SPIN4: variants seen among roughly 807,000 people sequenced by gnomAD.
The protein encoded by SPIN4 is spindlin family member 4, also known as spindlin-4.
SPIN4 carries 4 observed loss-of-function variants against 10.4 expected under a neutral mutation model. The observed-to-expected ratio is 0.38, with a 90% CI of 0.19 to 0.88. The LOEUF (loss-of-function observed/expected upper bound fraction) is 0.88. SPIN4 is among the 40% of genes least tolerant of loss of function. The pLI, the probability that SPIN4 is intolerant of heterozygous loss-of-function variation, is 0.40. For missense variants in SPIN4, 126 were observed against 198.7 expected (o/e 0.63, Z 2.20); for synonymous variants, 71 against 78.4 (o/e 0.91, Z 0.50).
rs2146914312 is a variant in SPIN4 at position 63,348,510 on chromosome X, TTTAA to T, written c.*1556_*1559del. ...AGCCCTCTAAACAAAAATGCAGGAT[TTTAA>T]TTGTGATGTCAGCCATCATAATTAG... On this transcript the variant is annotated 3_prime_UTR_variant, in exon 1 of 1. Transcript: ENST00000374884. The T allele has an allele frequency of 9.0e-6, 1 of 110,853 alleles. No individual in the cohort carries two copies. The highest frequency in any genetic ancestry group is 3.8e-4 in the South Asian group (1 of 2,655). The allele number at this position is 110,853 out of a possible 1,213,427, so 9.1% of individuals were successfully genotyped here. A position where few individuals can be genotyped will look rare whatever the true frequency, so the allele number is the denominator to read the frequency against.
At position 63,349,691 on chromosome X, in the gene SPIN4, A is replaced by G. The variant is rs782764914; in HGVS notation, c.*379T>C. 14 of 131,729 alleles carry G rather than the reference A, an allele frequency of 1.1e-4. No individual in the cohort carries two copies. Among genetic ancestry groups the G allele is most frequent in the Non-Finnish European group, 2.0e-4 (13 of 66,111 alleles). 10.9% of individuals were successfully genotyped at this position (131,729 alleles called of 1,213,427 possible). A position where few individuals can be genotyped will look rare whatever the true frequency, so the allele number is the denominator to read the frequency against. On this transcript the variant is annotated 3_prime_UTR_variant, in exon 1 of 1. Coordinates refer to ENST00000374884, the MANE Select transcript of SPIN4 (RefSeq NM_001012968.3). ...GAAGATGGGGAAAATAGGTGGAAGG[A>G]TGTACTTCGCATCCTCAACACTTGT...
rs1321658075 is a variant in SPIN4 at position 63,347,476 on chromosome X, G to A, written c.*2594C>T. 8.9e-6 allele frequency: 1 copy of A among 111,984 alleles called. No homozygotes were observed. Among genetic ancestry groups the A allele is most frequent in the Non-Finnish European group, 1.9e-5 (1 of 53,093 alleles). The allele number at this position is 111,984 out of a possible 1,213,427, so 9.2% of individuals were successfully genotyped here. A position where few individuals can be genotyped will look rare whatever the true frequency, so the allele number is the denominator to read the frequency against. ...TGATTAAAAATCTACTATTAAAAGT[G>A]TCATCAGGATTAGATTGTTTTACAC... On this transcript the variant is annotated 3_prime_UTR_variant, in exon 1 of 1. Coordinates refer to ENST00000374884, the MANE Select transcript of SPIN4 (RefSeq NM_001012968.3).
At position 63,347,491 on chromosome X, in the gene SPIN4, T is replaced by C. The variant is rs1454970122; in HGVS notation, c.*2579A>G. 7 of 112,255 alleles carry C rather than the reference T, an allele frequency of 6.2e-5. No homozygotes were observed. The highest frequency in any genetic ancestry group is 9.4e-5 in the Admixed American group (1 of 10,597). The allele number at this position is 112,255 out of a possible 1,213,427, so 9.3% of individuals were successfully genotyped here. A position where few individuals can be genotyped will look rare whatever the true frequency, so the allele number is the denominator to read the frequency against. ...TATTAAAAGTGTCATCAGGATTAGATTGTTTTACACTTTGTCCTAGCTAAC... is the reference window on the plus strand; with the variant it reads ...TATTAAAAGTGTCATCAGGATTAGACTGTTTTACACTTTGTCCTAGCTAAC... On this transcript the variant is annotated 3_prime_UTR_variant, in exon 1 of 1. Coordinates refer to ENST00000374884, the MANE Select transcript of SPIN4 (RefSeq NM_001012968.3).
chrX:63,350,337 A>C lies in SPIN4; in HGVS notation c.483T>G (p.Val161=). 1 of 1,211,352 alleles carries C rather than the reference A, an allele frequency of 8.3e-7. No homozygotes were observed. The highest frequency in any genetic ancestry group is 1.1e-6 in the Non-Finnish European group (1 of 895,499). Residue 161 remains valine, a synonymous_variant, in exon 1 of 1, where the codon GTT becomes GTG. Coordinates refer to ENST00000374884, the MANE Select transcript of SPIN4 (RefSeq NM_001012968.3). The part of the protein sequence containing the change: ...WFYITYEKDP[V]LYMYTLLDDY... ...CATCAAGCAGCGTGTACATATAGAG[A>C]ACAGGATCTTTCTCGTAGGTGATGT...
Position 63,350,447 on chromosome X carries a change from G to A in SPIN4, c.373C>T (p.His125Tyr). Residue 125 changes from histidine to tyrosine, a missense_variant, in exon 1 of 1, where the codon CAT (histidine) becomes TAT (tyrosine). By Grantham distance (83) the His-to-Tyr change is moderately conservative. Transcript: ENST00000374884. ...ADSLIGKAVE[H>Y]VFEGEHGTKD... is the part of the protein sequence containing the mutation. ...GTACCATGTTCACCTTCAAACACAT[G>A]CTCCACTGCCTTGCCAATCAGGGAA... 8.3e-7 allele frequency: 1 copy of A among 1,211,552 alleles called. No individual in the cohort carries two copies. Among genetic ancestry groups the A allele is most frequent in the Non-Finnish European group, 1.1e-6 (1 of 895,488 alleles).
rs1932989929 is a variant in SPIN4, at chrX:63,350,967, C to A, written c.-148G>T. 7 of 748,496 alleles carry A rather than the reference C, an allele frequency of 9.4e-6. No homozygotes were observed. The highest frequency in any genetic ancestry group is 1.3e-5 in the Non-Finnish European group (7 of 530,381). The allele number at this position is 748,496 out of a possible 1,213,427, so 61.7% of individuals were successfully genotyped here. Reference sequence around the variant, plus strand: ...CCTTCTCCAAGTGCAAGGCTCTCACCAAGGTTTTGGCAGAAACGCTCGAAC... The same window carrying A: ...CCTTCTCCAAGTGCAAGGCTCTCACAAAGGTTTTGGCAGAAACGCTCGAAC... On this transcript the variant is annotated 5_prime_UTR_variant, in exon 1 of 1. Transcript: ENST00000374884.
In SPIN4 at chrX:63,347,579, A is replaced by G. The variant is rs1569314472; in HGVS notation, c.*2491T>C. ...TTCCAGACCACAGGAAAAAAATTGA[A>G]AACTCACATATTCATATTTTTTTAA... On this transcript the variant is annotated 3_prime_UTR_variant, in exon 1 of 1. Coordinates refer to ENST00000374884, the MANE Select transcript of SPIN4 (RefSeq NM_001012968.3). The G allele has an allele frequency of 1.8e-5, 2 of 111,985 alleles. No individual in the cohort carries two copies. Among genetic ancestry groups the G allele is most frequent in the Non-Finnish European group, 3.8e-5 (2 of 52,977 alleles). 9.2% of individuals were successfully genotyped at this position (111,985 alleles called of 1,213,427 possible).
In SPIN4 at chrX:63,350,322, C is replaced by A. The variant is rs2146915230; in HGVS notation, c.498G>T (p.Thr166=). The A allele has an allele frequency of 8.3e-7, 1 of 1,211,302 alleles. No homozygotes were observed. The highest frequency in any genetic ancestry group is 3.0e-5 in the East Asian group (1 of 33,808). The part of the protein sequence containing the change: ...YEKDPVLYMY[T]LLDDYKDGDL... ...CACCATCTTTGTAGTCATCAAGCAG[C>A]GTGTACATATAGAGAACAGGATCTT... The change falls in exon 1 of 1, where the codon ACG becomes ACT. Residue 166 remains threonine (T), a synonymous_variant. Coordinates refer to ENST00000374884, the MANE Select transcript of SPIN4 (RefSeq NM_001012968.3).
Position 63,350,774 on chromosome X carries a change from C to G in SPIN4, c.46G>C (p.Ala16Pro). ...GTGTGCCTTTTCTTCATCAGGTATG[C>G]GGACACGCCATCTACCCCCATCGGA... ...VPPMGVDGVSAYLMKKRHTHR... is the reference protein window; with the variant it reads ...VPPMGVDGVSPYLMKKRHTHR... Residue 16 changes from alanine (A) to proline (P), a missense_variant, in exon 1 of 1, where the codon GCA becomes CCA. By Grantham distance (27) the Ala-to-Pro change is conservative. Coordinates refer to ENST00000374884, the MANE Select transcript of SPIN4 (RefSeq NM_001012968.3). 1 of 1,207,224 alleles carries G rather than the reference C, an allele frequency of 8.3e-7. No homozygotes were observed. Among genetic ancestry groups the G allele is most frequent in the Non-Finnish European group, 1.1e-6 (1 of 892,315 alleles).
In SPIN4 at chrX:63,350,301, A is replaced by T; in HGVS notation, c.519T>A (p.Asp173Glu). ...YMYTLLDDYK[D>E]GDLRIIPDSN... ...AATCTGGAATAATGCGTAAGTCACC[A>T]TCTTTGTAGTCATCAAGCAGCGTGT... The change falls in exon 1 of 1, where the codon GAT (aspartate) becomes GAA (glutamate). Residue 173 changes from aspartate to glutamate, a missense_variant. By Grantham distance (45) the Asp-to-Glu change is conservative. Transcript: ENST00000374884. The T allele has an allele frequency of 8.3e-7, 1 of 1,211,438 alleles. No homozygotes were observed. Among genetic ancestry groups the T allele is most frequent in the Non-Finnish European group, 1.1e-6 (1 of 895,475 alleles).
rs1932978770 is a variant in SPIN4 at position 63,349,987 on chromosome X, C to A, written c.*83G>T. 2.4e-5 allele frequency: 24 copies of A among 1,012,616 alleles called. No individual in the cohort carries two copies. The highest frequency in any genetic ancestry group is 3.2e-5 in the Non-Finnish European group (24 of 756,858). The allele number at this position is 1,012,616 out of a possible 1,213,427, so 83.5% of individuals were successfully genotyped here. A position where few individuals can be genotyped will look rare whatever the true frequency, so the allele number is the denominator to read the frequency against. On this transcript the variant is annotated 3_prime_UTR_variant, in exon 1 of 1. Transcript: ENST00000374884. ...CTTTCCTGAATTTCTGACACCTAAA[C>A]TCTTCTCTGCGTTCACAACTACGAG...
Position 63,348,069 on chromosome X carries a change from T to C in SPIN4, c.*2001A>G, listed in dbSNP as rs781854712. On this transcript the variant is annotated 3_prime_UTR_variant, in exon 1 of 1. Transcript: ENST00000374884. ...ATTAAGAACAAGACAGTCACGTCTG[T>C]CATCACTCTTCAACATTGTTTTGAA... 3 of 111,483 alleles carry C rather than the reference T, an allele frequency of 2.7e-5. No homozygotes were observed. The East Asian group carries it at 8.4e-4, about 31-fold the overall frequency. 9.2% of individuals were successfully genotyped at this position (111,483 alleles called of 1,213,427 possible). A position where few individuals can be genotyped will look rare whatever the true frequency, so the allele number is the denominator to read the frequency against.
Position 63,350,787 on chromosome X carries a change from T to C in SPIN4, c.33A>G (p.Val11=). Residue 11 remains valine, a synonymous_variant, in exon 1 of 1, where the codon GTA becomes GTG. Transcript: ENST00000374884. ...TCATCAGGTATGCGGACACGCCATC[T>C]ACCCCCATCGGAGGCACGGTTGGAG... is the stretch of plus-strand genomic sequence containing the variant. MSPPTVPPMG[V]DGVSAYLMKK... The C allele has an allele frequency of 8.3e-7, 1 of 1,203,329 alleles. No homozygotes were observed. Among genetic ancestry groups the C allele is most frequent in the African/African-American group, 1.7e-5 (1 of 57,770 alleles).
rs1428724630 is a variant in SPIN4 at position 63,349,794 on chromosome X, T to C, written c.*276A>G. The C allele has an allele frequency of 6.1e-5, 16 of 264,236 alleles. No individual in the cohort carries two copies. In the Admixed American group the frequency reaches 6.6e-4, roughly 11 times the overall value. 21.8% of individuals were successfully genotyped at this position (264,236 alleles called of 1,213,427 possible). On this transcript the variant is annotated 3_prime_UTR_variant, in exon 1 of 1. Coordinates refer to ENST00000374884, the MANE Select transcript of SPIN4 (RefSeq NM_001012968.3). Reference sequence around the variant, plus strand: ...TTTACACCATTAATTTTTCTTAATCTATTTTTGCATTGTTCCAATGGTTGC... The same window carrying C: ...TTTACACCATTAATTTTTCTTAATCCATTTTTGCATTGTTCCAATGGTTGC...
Position 63,350,926 on chromosome X carries a change from G to A in SPIN4, c.-107C>T, listed in dbSNP as rs1275361094. The stretch of plus-strand genomic sequence containing the variant: ...TATATATATTTTTTGCGATCTCAAA[G>A]ACCTGGTCTGTGCTCCCTTCTCCAA... On this transcript the variant is annotated 5_prime_UTR_variant, in exon 1 of 1. Transcript: ENST00000374884. The A allele has an allele frequency of 1.0e-6, 1 of 976,327 alleles. No homozygotes were observed. Among genetic ancestry groups the A allele is most frequent in the Non-Finnish European group, 1.4e-6 (1 of 728,119 alleles). The allele number at this position is 976,327 out of a possible 1,213,427, so 80.5% of individuals were successfully genotyped here.
At position 63,347,575 on chromosome X, in the gene SPIN4, T is replaced by C. The variant is rs536589640; in HGVS notation, c.*2495A>G. On this transcript the variant is annotated 3_prime_UTR_variant, in exon 1 of 1. Transcript: ENST00000374884. ...ATTATTCCAGACCACAGGAAAAAAA[T>C]TGAAAACTCACATATTCATATTTTT... 2.7e-5 allele frequency: 3 copies of C among 111,672 alleles called. No individual in the cohort carries two copies. The highest frequency in any genetic ancestry group is 7.4e-4 in the South Asian group (2 of 2,719). The allele number at this position is 111,672 out of a possible 1,213,427, so 9.2% of individuals were successfully genotyped here. A position where few individuals can be genotyped will look rare whatever the true frequency, so the allele number is the denominator to read the frequency against.
rs1932967956 is a variant in SPIN4 at position 63,349,044 on chromosome X, A to G, written c.*1026T>C. The G allele has an allele frequency of 8.9e-6, 1 of 112,284 alleles. No homozygotes were observed. The highest frequency in any genetic ancestry group is 1.9e-5 in the Non-Finnish European group (1 of 53,267). The allele number at this position is 112,284 out of a possible 1,213,427, so 9.3% of individuals were successfully genotyped here. A position where few individuals can be genotyped will look rare whatever the true frequency, so the allele number is the denominator to read the frequency against. On this transcript the variant is annotated 3_prime_UTR_variant, in exon 1 of 1. Transcript: ENST00000374884. ...GAGCTACAAATGATTAATATGCACT[A>G]TGTAGTAAGAATTTCTACAAATTTA...
Position 63,349,008 on chromosome X carries a change from A to G in SPIN4, c.*1062T>C, listed in dbSNP as rs1281466883. Reference sequence around the variant, plus strand: ...TCAATAAAGTCAAGATGAAAACGTCATAACACATTAGAGCTACAAATGATT... The same window carrying G: ...TCAATAAAGTCAAGATGAAAACGTCGTAACACATTAGAGCTACAAATGATT... On this transcript the variant is annotated 3_prime_UTR_variant, in exon 1 of 1. Coordinates refer to ENST00000374884, the MANE Select transcript of SPIN4 (RefSeq NM_001012968.3). The G allele has an allele frequency of 1.8e-5, 2 of 112,207 alleles. No homozygotes were observed. Among genetic ancestry groups the G allele is most frequent in the Non-Finnish European group, 3.8e-5 (2 of 53,253 alleles). The allele number at this position is 112,207 out of a possible 1,213,427, so 9.2% of individuals were successfully genotyped here.
At position 63,348,978 on chromosome X, in the gene SPIN4, T is replaced by C. The variant is rs1293133171; in HGVS notation, c.*1092A>G. On this transcript the variant is annotated 3_prime_UTR_variant, in exon 1 of 1. Transcript: ENST00000374884. Reference sequence around the variant, plus strand: ...AGTTTAAAAATTTTAAAGGAAAATATATCATCAATAAAGTCAAGATGAAAA... The same window carrying C: ...AGTTTAAAAATTTTAAAGGAAAATACATCATCAATAAAGTCAAGATGAAAA... The C allele has an allele frequency of 1.8e-5, 2 of 112,136 alleles. No individual in the cohort carries two copies. The highest frequency in any genetic ancestry group is 3.8e-5 in the Non-Finnish European group (2 of 53,235). The allele number at this position is 112,136 out of a possible 1,213,427, so 9.2% of individuals were successfully genotyped here.
Sources: allele counts gnomAD v4.1 joint callset, GRCh38; gene constraint gnomAD v4.1.1; transcripts MANE v1.5; gene names NCBI Gene and HGNC (gene_info 2026-07-23, HGNC 2026-07-21).